The following NPAS3 variants were observed in gnomAD, a reference collection of about 807,000 sequenced individuals.
NPAS3 encodes the protein neuronal PAS domain-containing protein 3.
NPAS3 carries 14 observed loss-of-function variants against 73.1 expected under a neutral mutation model. The observed-to-expected ratio is 0.19, with a 90% CI of 0.13 to 0.30. The LOEUF is 0.30. Ranked by LOEUF, NPAS3 falls within the 10% of genes least tolerant of loss-of-function variation. The probability of loss-of-function intolerance (pLI) is 1.00; values close to 1 mark genes in which losing one functional copy is unlikely to be tolerated. For missense variants in NPAS3, 1,096 were observed against 1,250.0 expected (o/e 0.88, Z 1.86); for synonymous variants, 620 against 541.5 (o/e 1.14, Z -2.01).
chr14:33,550,097 G>A (rs182699039), intron 4 of NPAS3, among the ~76,000 whole-genome samples: 13 of 152,130 alleles, frequency 8.5e-5, no homozygotes, highest in African/African-American at 2.4e-4. Context: ...TCTCAGCTCA[G>A]TCCTTTCATT....
chr14:33,025,314 G>A (rs573345362), intron 1 of NPAS3, among the ~76,000 whole-genome samples: 14 of 152,244 alleles, frequency 9.2e-5, no homozygotes, highest in Middle Eastern at 6.8e-3. Context: ...CTTAAAAATG[G>A]GAATATCAGG....
chr14:32,937,087 C>A (rs1389687156), upstream of NPAS3, among the ~76,000 whole-genome samples: 1 of 151,934 alleles, frequency 6.6e-6, no homozygotes, highest in South Asian at 2.1e-4. Flanking sequence ...ACACCTGTTA[C>A]TGTCTTTTAG....
intron 3 of NPAS3, among the ~76,000 whole-genome samples, chr14:33,235,690 A>C (rs1305028696): frequency 1.3e-5 from 2 of 152,122 alleles, no homozygotes; most frequent in Non-Finnish European, 2.9e-5. Flanking sequence ...TCAGGAGGAA[A>C]TAAAAACTCT....
intron 1 of NPAS3, among the ~76,000 whole-genome samples, chr14:33,022,357 C>T (rs1218896035): frequency 6.6e-6 from 1 of 152,092 alleles, no homozygotes; most frequent in Non-Finnish European, 1.5e-5. Context: ...ATTATACATT[C>T]TTGGAGTTTA....
chr14:33,491,235 C>T (rs1451144199), intron 4 of NPAS3, among the ~76,000 whole-genome samples: 2 of 151,654 alleles, frequency 1.3e-5, no homozygotes, highest in Non-Finnish European at 2.9e-5. Flanking sequence ...GAGAGATGAA[C>T]ATTTAAAGTT....
intron 3 of NPAS3, among the ~76,000 whole-genome samples, chr14:33,353,100 T>G (rs1262316048): frequency 6.6e-6 from 1 of 151,968 alleles, no homozygotes; most frequent in Non-Finnish European, 1.5e-5. Context: ...AAAATCTCTT[T>G]CTCACTTGCC....
intron 4 of NPAS3, among the ~76,000 whole-genome samples, chr14:33,373,539 G>A (rs2046187830): frequency 6.6e-6 from 1 of 152,078 alleles, no homozygotes. Flanking sequence ...AGTTGGATAA[G>A]TATAATAAGT....
chr14:33,507,542 A>G (rs1039103760), intron 4 of NPAS3, among the ~76,000 whole-genome samples: 3 of 151,936 alleles, frequency 2.0e-5, no homozygotes, highest in African/African-American at 4.8e-5. Flanking sequence ...AAGCATAGTA[A>G]GGTTATTCTT....
chr14:33,133,857 A>G (rs1283548197), intron 2 of NPAS3, among the ~76,000 whole-genome samples: 1 of 152,198 alleles, frequency 6.6e-6, no homozygotes, highest in Non-Finnish European at 1.5e-5. Context: ...AGATGATTCT[A>G]GTCCATCAAA....
At chr14:33,726,020 C>A (rs1182936870) in intron 6 of NPAS3, among the ~76,000 whole-genome samples, 1 of 152,138 alleles carries the variant, frequency 6.6e-6, no homozygotes, top group Admixed American at 6.6e-5. Flanking sequence ...TTCAAAGGCT[C>A]ACCTCTCCTT....
At chr14:33,213,875 T>C (rs374344851) in intron 2 of NPAS3, 13 of 152,292 alleles carry the variant, frequency 8.5e-5, no homozygotes, top group Middle Eastern at 3.4e-3. Context: ...ATATTTCAGG[T>C]GTGATTTCTG....
At chr14:33,765,297 T>TAA (rs10552866) in intron 7 of NPAS3, among the ~76,000 whole-genome samples, 11 of 145,372 alleles carry the variant, frequency 7.6e-5, no homozygotes, top group African/African-American at 2.5e-4. Flanking sequence ...ATTTCTGCAT[T>TAA]AAAAAAAAAA....
chr14:33,307,232 A>C (rs1386280415), intron 3 of NPAS3, among the ~76,000 whole-genome samples: 1 of 152,192 alleles, frequency 6.6e-6, no homozygotes, highest in Non-Finnish European at 1.5e-5. Context: ...AATGAATACA[A>C]ATTTTCTGCA....
At chr14:33,095,286 C>G (rs1486741202) in intron 2 of NPAS3, among the ~76,000 whole-genome samples, 1 of 152,160 alleles carries the variant, frequency 6.6e-6, no homozygotes, top group South Asian at 2.1e-4. Flanking sequence ...GAAATTAATT[C>G]CCTAAGCTGC....
At chr14:33,195,009 C>A (rs1420385912) in intron 2 of NPAS3, among the ~76,000 whole-genome samples, 1 of 152,018 alleles carries the variant, frequency 6.6e-6, no homozygotes, top group African/African-American at 2.4e-5. Flanking sequence ...TTTGTATCTA[C>A]CCATGGTCAA....
In NPAS3 at chr14:33,727,484, T is replaced by C. The variant is rs867152766; in HGVS notation, c.734-7730T>C. On this transcript the variant is annotated intron_variant, in intron 6 of 11. Coordinates refer to ENST00000356141, the Ensembl canonical transcript of NPAS3. ...TTCTATCAACAGTGAAGATTGAACA[T>C]GACTTTTTAATAGAAAACATGGGGT... Among the ~76,000 whole-genome samples, 3 of 152,132 alleles carry C rather than the reference T, an allele frequency of 2.0e-5. No individual in the cohort carries two copies. In the South Asian group the frequency reaches 6.2e-4, roughly 32 times the overall value.
At chr14:33,032,253 A>G (rs2040020917) in intron 1 of NPAS3, among the ~76,000 whole-genome samples, 1 of 152,222 alleles carries the variant, frequency 6.6e-6, no homozygotes, top group African/African-American at 2.4e-5. Flanking sequence ...AATCATGGGA[A>G]GGTTCTGAGC....
intron 4 of NPAS3, among the ~76,000 whole-genome samples, chr14:33,508,163 A>C (rs2139984075): frequency 6.6e-6 from 1 of 152,230 alleles, no homozygotes; most frequent in African/African-American, 2.4e-5. Flanking sequence ...TTATGGCAAA[A>C]CCAGCAGAGA....
chr14:33,267,310 G>T (rs1478341559), intron 3 of NPAS3, among the ~76,000 whole-genome samples: 1 of 152,226 alleles, frequency 6.6e-6, no homozygotes, highest in African/African-American at 2.4e-5. Flanking sequence ...ATGTACAAAT[G>T]AGAATATATT....
Sources: allele counts gnomAD v4.1 joint callset (sites outside exome capture counted in the v4.1 genomes callset), GRCh38; gene constraint gnomAD v4.1.1; transcripts MANE v1.5; gene names NCBI Gene and HGNC (gene_info 2026-07-23, HGNC 2026-07-21).